ARAP2: variants seen among roughly 807,000 people sequenced by gnomAD.
ARAP2 encodes arf-GAP with Rho-GAP domain, ANK repeat and PH domain-containing protein 2.
In ARAP2, 148 loss-of-function variants were observed where a neutral mutation model predicts 194.5. The ratio of observed to expected loss-of-function variants is 0.76; its 90% CI spans 0.67 to 0.87. The LOEUF (loss-of-function observed/expected upper bound fraction) is 0.87. Ranked by LOEUF, ARAP2 falls within the 40% of genes least tolerant of loss-of-function variation. The pLI is 0.00. For synonymous variants in ARAP2, 695 were observed against 683.5 expected (o/e 1.02, Z -0.26); for missense variants, 2,128 against 1,989.7 (o/e 1.07, Z -1.32).
At chr4:36,179,082 T>C (rs1324418556) in intron 8 of ARAP2, among the ~76,000 whole-genome samples, 2 of 152,238 alleles carry the variant, frequency 1.3e-5, no homozygotes, top group Admixed American at 6.5e-5. Context: ...GAATTCATAC[T>C]GCCTGTTTAG....
At chr4:36,212,347 A>G (rs768925028) in intron 5 of ARAP2, 49 bp downstream of exon 5, 5 of 1,408,790 alleles carry the variant, frequency 3.5e-6, no homozygotes, top group South Asian at 2.4e-5. Flanking sequence ...TCAACATTGT[A>G]TAACAGTTTA....
chr4:36,118,755 A>G (rs1478965326), intron 24 of ARAP2, among the ~76,000 whole-genome samples: 2 of 151,438 alleles, frequency 1.3e-5, no homozygotes, highest in Admixed American at 6.6e-5. Flanking sequence ...TTAAGGTTAA[A>G]GCTGACTCCT....
chr4:36,192,251 A>G (rs893164165), intron 7 of ARAP2, among the ~76,000 whole-genome samples: 3 of 150,060 alleles, frequency 2.0e-5, no homozygotes, highest in African/African-American at 7.3e-5. Context: ...AGAAAATAAC[A>G]ACTTAAATTT....
intron 15 of ARAP2, among the ~76,000 whole-genome samples, chr4:36,152,517 A>G (rs1731236008): frequency 6.6e-6 from 1 of 152,186 alleles, no homozygotes; most frequent in African/African-American, 2.4e-5. Context: ...CAGTACATAG[A>G]TAATCACTGG....
At chr4:36,232,503 G>C (rs1751682637) in intron 1 of ARAP2, among the ~76,000 whole-genome samples, 2 of 152,178 alleles carry the variant, frequency 1.3e-5, no homozygotes, top group Non-Finnish European at 2.9e-5. Context: ...CTATGAGACA[G>C]GCATTCCTAT....
chr4:36,237,472 C>T (rs1422189775), intron 1 of ARAP2, among the ~76,000 whole-genome samples: 1 of 152,110 alleles, frequency 6.6e-6, no homozygotes, highest in Non-Finnish European at 1.5e-5. Flanking sequence ...GGGGGAGGAT[C>T]CCTGATGAAT....
At chr4:36,151,718 G>A (rs1019546668) in intron 15 of ARAP2, among the ~76,000 whole-genome samples, 33 of 151,982 alleles carry the variant, frequency 2.2e-4, no homozygotes, top group Admixed American at 1.8e-3. Context: ...AGGTAAAGTG[G>A]TATCATGTCT....
chr4:36,079,745 A>C (rs1468351420), intron 31 of ARAP2, among the ~76,000 whole-genome samples: 2 of 152,218 alleles, frequency 1.3e-5, no homozygotes, highest in African/African-American at 4.8e-5. Flanking sequence ...GCTGCAAGGA[A>C]TACATGAGTT....
At chr4:36,218,504 G>C (rs1748480855) in intron 2 of ARAP2, among the ~76,000 whole-genome samples, 1 of 151,764 alleles carries the variant, frequency 6.6e-6, no homozygotes, top group Non-Finnish European at 1.5e-5. Flanking sequence ...AATGAGGAAA[G>C]TATGGTCTTT....
rs76124383 is a variant in ARAP2, at chr4:36,047,703, A to G, written n.370-854T>C. On this transcript the variant is annotated intron_variant and non_coding_transcript_variant, in intron 3 of 12. Transcript: ENST00000503225. ...CACTCCTTACTCTTTTGTGACTCAC[A>G]TATCTTAAGATCCAGATAGCAGCAA... Among the ~76,000 whole-genome samples, 620 of 152,334 alleles carry G rather than the reference A, an allele frequency of 4.1e-3. 4 individuals carry two copies. The highest frequency in any genetic ancestry group is 0.014 in the African/African-American group (591 of 41,580).
In ARAP2 at chr4:36,073,533, T is replaced by C. The variant is rs1037639426; in HGVS notation, c.4743+156A>G. On this transcript the variant is annotated intron_variant, in intron 32 of 32. Transcript: ENST00000303965. ...AAAATAAAAGGTATAAGGTTATTCA[T>C]ACTGTTTTCTTGCTGTATGTGATTA... 2.6e-5 allele frequency among the ~76,000 whole-genome samples: 4 copies of C among 152,184 alleles called. 1 individual carries two copies. The highest frequency in any genetic ancestry group is 2.6e-4 in the Admixed American group (4 of 15,262).
intron 7 of ARAP2, among the ~76,000 whole-genome samples, chr4:36,188,519 C>A (rs759740203): frequency 1.3e-5 from 2 of 152,018 alleles, no homozygotes; most frequent in Non-Finnish European, 2.9e-5. Flanking sequence ...TAGACAAGTG[C>A]GTGGGGGGCA....
intron 14 of ARAP2, 103 bp downstream of exon 14, chr4:36,159,228 C>T (rs1733340167): frequency 8.1e-7 from 1 of 1,235,182 alleles, no homozygotes; most frequent in Non-Finnish European, 1.1e-6. Flanking sequence ...CATTTTTCTT[C>T]ATTCTGATGG....
intron 15 of ARAP2, 77 bp downstream of exon 15, chr4:36,158,653 C>A: frequency 1.5e-6 from 2 of 1,291,356 alleles, no homozygotes; most frequent in South Asian, 1.5e-5. Context: ...TCAAAAAAAT[C>A]AAAATCTAAA....
intron 27 of ARAP2, among the ~76,000 whole-genome samples, chr4:36,098,470 C>A (rs551831332): frequency 4.1e-4 from 62 of 151,978 alleles, no homozygotes; most frequent in Non-Finnish European, 8.1e-4. Flanking sequence ...TTATAAAAGC[C>A]CTGTCCAGAG....
At chr4:36,092,790 A>C (rs1002552614) in intron 27 of ARAP2, among the ~76,000 whole-genome samples, 1 of 152,116 alleles carries the variant, frequency 6.6e-6, no homozygotes, top group South Asian at 2.1e-4. Context: ...GGCTTGTATT[A>C]TATTTCTTTT....
chr4:36,108,472 T>C (rs1231201363), intron 26 of ARAP2, among the ~76,000 whole-genome samples: 1 of 151,874 alleles, frequency 6.6e-6, no homozygotes. Flanking sequence ...ATTTACAAAA[T>C]AGTACTGAAG....
intron 5 of ARAP2, among the ~76,000 whole-genome samples, chr4:36,044,684 G>A (rs916614585): frequency 3.3e-5 from 5 of 151,970 alleles, no homozygotes; most frequent in African/African-American, 1.2e-4. Context: ...AAATAAAAAT[G>A]GAACAGACAA....
At chr4:36,017,319 A>C (rs571534551) in intron 6 of ARAP2, among the ~76,000 whole-genome samples, 6 of 151,920 alleles carry the variant, frequency 3.9e-5, no homozygotes, top group African/African-American at 1.4e-4. Flanking sequence ...CTTGGCATTA[A>C]GGAGACAGCA....
Sources: gnomAD v4.1 joint callset for allele counts (sites outside exome capture counted in the v4.1 genomes callset) on GRCh38, gnomAD v4.1.1 for gene constraint, MANE v1.5 for transcripts, NCBI Gene and HGNC (gene_info 2026-07-23, HGNC 2026-07-21) for gene names.